The following PCDHA3 variants were observed in gnomAD, a reference collection of about 807,000 sequenced individuals.
The protein encoded by PCDHA3 is protocadherin alpha-3.
PCDHA3 carries 41 observed loss-of-function variants against 62.2 expected under a neutral mutation model. The observed-to-expected ratio is 0.66, with a 90% CI of 0.51 to 0.86. The LOEUF (loss-of-function observed/expected upper bound fraction) is 0.86. Among genes scored for constraint, PCDHA3 ranks in the 40% least tolerant of loss-of-function variants. The pLI, the probability that PCDHA3 is intolerant of heterozygous loss-of-function variation, is 0.00. For missense variants in PCDHA3, 1,304 were observed against 1,241.2 expected (o/e 1.05, Z -0.76); for synonymous variants, 640 against 555.4 (o/e 1.15, Z -2.14).
intron 1 of PCDHA3, among the ~76,000 whole-genome samples, chr5:140,907,411 G>A (rs1053744231): frequency 8.5e-5 from 13 of 152,192 alleles, no homozygotes; most frequent in Admixed American, 2.6e-4. Flanking sequence ...GGAATACCAC[G>A]ATGGTGGATA....
rs1276562311 is a variant in PCDHA3, at chr5:140,851,314, C to T, written c.2394+47723C>T. ...AGCAAAAATATATAGCAATTGTTAC[C>T]TTGTTAAGTTTGTAGTTCTCTACAT... On this transcript the variant is annotated intron_variant, in intron 1 of 3. Transcript: ENST00000522353. The T allele has an allele frequency of 2.6e-5, 26 of 997,988 alleles. 4 individuals carry two copies. Among genetic ancestry groups the T allele is most frequent in the Non-Finnish European group, 2.6e-5 (21 of 813,766 alleles). The allele number at this position is 997,988 out of a possible 1,614,324, so 61.8% of individuals were successfully genotyped here.
At chr5:140,822,944 C>T (rs2150120585) in intron 1 of PCDHA3, 2 of 1,614,240 alleles carry the variant, frequency 1.2e-6, no homozygotes, top group South Asian at 1.1e-5. Context: ...TCCCTAATGC[C>T]CCACGTTCCC....
intron 1 of PCDHA3, among the ~76,000 whole-genome samples, chr5:140,922,423 T>C (rs1554200812): frequency 6.6e-6 from 1 of 152,170 alleles, no homozygotes; most frequent in Non-Finnish European, 1.5e-5. Context: ...GTACAGAGGC[T>C]GAGGGCAGAA....
intron 3 of PCDHA3, among the ~76,000 whole-genome samples, chr5:140,992,803 G>A (rs2097529196): frequency 6.6e-6 from 1 of 152,146 alleles, no homozygotes; most frequent in African/African-American, 2.4e-5. Context: ...GGATCCATAT[G>A]TATCTAAGGA....
At chr5:140,882,400 C>T (rs782194379) in intron 1 of PCDHA3, 10 of 1,614,172 alleles carry the variant, frequency 6.2e-6, no homozygotes, top group Admixed American at 3.3e-5. Context: ...ACGGCACCTT[C>T]GTGGGCCGCA....
At chr5:140,924,901 A>AAAAAAATAAAT (rs369245222) in intron 1 of PCDHA3, among the ~76,000 whole-genome samples, 34 of 80,504 alleles carry the variant, frequency 4.2e-4, no homozygotes, top group Non-Finnish European at 7.7e-4. Context: ...TCTCAAAAAA[A>AAAAAAATAAAT]AAAATAAAAT....
chr5:140,802,857 T>C lies in PCDHA3; in HGVS notation c.1660T>C (p.Phe554Leu), dbSNP rs567006708. 1 of 1,613,308 alleles carries C rather than the reference T, an allele frequency of 6.2e-7. No individual in the cohort carries two copies. The highest frequency in any genetic ancestry group is 1.1e-5 in the South Asian group (1 of 91,056). Reference protein sequence around the residue: ...PLGSNVTLQVFVLDENDNAPA... With the variant: ...PLGSNVTLQVLVLDENDNAPA... ...GGGCAGCAACGTGACGCTGCAGGTG[T>C]TCGTGCTGGACGAGAACGACAACGC... Residue 554 changes from phenylalanine to leucine, a missense_variant, in exon 1 of 4, where the codon TTC (phenylalanine) becomes CTC (leucine). Coordinates refer to ENST00000522353, the MANE Select transcript of PCDHA3 (RefSeq NM_018906.3).
chr5:140,928,525 G>A (rs200642808), intron 1 of PCDHA3: 1 of 1,614,182 alleles, frequency 6.2e-7, no homozygotes, highest in East Asian at 2.2e-5. Context: ...AAACTTGTTT[G>A]TGGTAGATAG....
intron 1 of PCDHA3, chr5:140,866,026 C>T (rs1273078600): frequency 7.9e-5 from 12 of 151,914 alleles, no homozygotes; most frequent in Admixed American, 4.6e-4. Context: ...TGTAAGAGTT[C>T]GTGATCATCA....
intron 1 of PCDHA3, chr5:140,877,387 G>A: frequency 6.2e-7 from 1 of 1,614,010 alleles, no homozygotes; most frequent in Non-Finnish European, 8.5e-7. Flanking sequence ...CATCCTGGAT[G>A]AGGCGGACGC....
At chr5:140,822,749 G>T (rs1425005948) in intron 1 of PCDHA3, 3 of 1,613,758 alleles carry the variant, frequency 1.9e-6, no homozygotes, top group Non-Finnish European at 1.7e-6. Flanking sequence ...ATGGATAAAA[G>T]TACATTCCCA....
At position 140,870,670 on chromosome 5, in the gene PCDHA3, G is replaced by A. The variant is rs782000668; in HGVS notation, c.2394+67079G>A. On this transcript the variant is annotated intron_variant, in intron 1 of 3. Coordinates refer to ENST00000522353, the MANE Select transcript of PCDHA3 (RefSeq NM_018906.3). Reference sequence around the variant, plus strand: ...CAAGGTGTACGCGCTGCAGCCGTTGGACCACGAGGAGCTGGAGCTGCTACA... The same window carrying A: ...CAAGGTGTACGCGCTGCAGCCGTTGAACCACGAGGAGCTGGAGCTGCTACA... The A allele has an allele frequency of 3.1e-6, 5 of 1,612,518 alleles. No individual in the cohort carries two copies. The East Asian group carries it at 1.1e-4, about 36-fold the overall frequency.
intron 1 of PCDHA3, chr5:140,969,147 A>C (rs781909774): frequency 1.2e-6 from 2 of 1,614,172 alleles, no homozygotes; most frequent in South Asian, 2.2e-5. Flanking sequence ...TACTGCTACA[A>C]GGCCTGTCTG....
At chr5:140,898,984 C>T (rs1237034997) in intron 1 of PCDHA3, among the ~76,000 whole-genome samples, 3 of 151,964 alleles carry the variant, frequency 2.0e-5, no homozygotes, top group Non-Finnish European at 4.4e-5. Flanking sequence ...TGATTTGGCT[C>T]TCTGTTTGTC....
In PCDHA3 at chr5:140,849,693, A is replaced by C. The variant is rs2150445321; in HGVS notation, c.2394+46102A>C. 85 of 1,598,584 alleles carry C rather than the reference A, an allele frequency of 5.3e-5. 3 individuals are homozygous for C. The East Asian group carries it at 1.1e-3, about 21-fold the overall frequency. On this transcript the variant is annotated intron_variant, in intron 1 of 3. Coordinates refer to ENST00000522353, the MANE Select transcript of PCDHA3 (RefSeq NM_018906.3). ...CCACGTCCCCTTCAAGCTGGTGTCC[A>C]CCTACAAGAATTACTACTCGTTGGT...
intron 1 of PCDHA3, chr5:140,884,758 C>A (rs1582804628): frequency 2.1e-6 from 3 of 1,424,736 alleles, no homozygotes; most frequent in East Asian, 2.5e-5. Context: ...TCAAATTATT[C>A]TTTACTTTAA....
intron 1 of PCDHA3, among the ~76,000 whole-genome samples, chr5:140,947,713 T>G (rs1252298380): frequency 6.6e-6 from 1 of 151,618 alleles, no homozygotes; most frequent in African/African-American, 2.4e-5. Flanking sequence ...AGTATTGAGG[T>G]TTCAAAAGTT....
chr5:140,981,232 T>G (rs768766953), intron 2 of PCDHA3, among the ~76,000 whole-genome samples: 32 of 152,216 alleles, frequency 2.1e-4, no homozygotes, highest in Non-Finnish European at 4.3e-4. Context: ...GTAGTCTAAA[T>G]TTTATTTTAG....
intron 1 of PCDHA3, among the ~76,000 whole-genome samples, chr5:140,846,525 C>T (rs140986120): frequency 1.3e-5 from 2 of 148,378 alleles, no homozygotes; most frequent in East Asian, 3.9e-4. Context: ...CAGGTGCATG[C>T]CACCATGCCC....
Sources: gnomAD v4.1 joint callset for allele counts (sites outside exome capture counted in the v4.1 genomes callset) on GRCh38, gnomAD v4.1.1 for gene constraint, MANE v1.5 for transcripts, NCBI Gene and HGNC (gene_info 2026-07-23, HGNC 2026-07-21) for gene names.